Variants in FKTN observed in about 807,000 individuals in gnomAD.
FKTN encodes the protein ribitol-5-phosphate transferase FKTN.
A neutral mutation model predicts 58.6 loss-of-function variants in FKTN; 47 were observed. The ratio of observed to expected loss-of-function variants is 0.80; its 90% confidence interval spans 0.63 to 1.02. The LOEUF (loss-of-function observed/expected upper bound fraction) is 1.02, where lower values mean the gene tolerates loss of function less well. FKTN is among the 50% of genes least tolerant of loss of function. The probability of loss-of-function intolerance (pLI) is 0.00; values close to 1 mark genes in which losing one functional copy is unlikely to be tolerated. For missense variants in FKTN, 516 were observed against 537.3 expected, an observed-to-expected ratio of 0.96 and a Z score of 0.39; for synonymous variants, 178 against 191.9, an observed-to-expected ratio of 0.93 and a Z score of 0.60.
At chr9:105,569,382 C>G (rs1239860478) in intron 1 of FKTN, among the ~76,000 whole-genome samples, 1 of 152,044 alleles carries the variant, frequency 6.6e-6, no homozygotes, top group East Asian at 1.9e-4. Context: ...AATCCTGTAC[C>G]TTTTTTCATC....
rs934152762 is a variant in FKTN at position 105,601,401 on chromosome 9, T to C, written c.369+53T>C. 30 of 1,255,838 alleles carry C rather than the reference T, an allele frequency of 2.4e-5. 1 individual carries two copies. In the South Asian group the frequency reaches 3.6e-4, roughly 15 times the overall value. The allele number at this position is 1,255,838 out of a possible 1,614,324, so 77.8% of individuals were successfully genotyped here. Reference sequence around the variant, plus strand: ...ATGTGTCTCTTTTTACAAAATAGTATAGGTTTAGGCTAGTTTAAAATGTAA... The same window carrying C: ...ATGTGTCTCTTTTTACAAAATAGTACAGGTTTAGGCTAGTTTAAAATGTAA... On this transcript the variant is annotated intron_variant, in intron 5 of 10. Transcript: ENST00000357998.
chr9:105,564,677 G>A (rs1167118244), intron 1 of FKTN, among the ~76,000 whole-genome samples: 1 of 152,204 alleles, frequency 6.6e-6, no homozygotes, highest in African/African-American at 2.4e-5. Flanking sequence ...TCCGATTGGT[G>A]TACCTGAAAG....
At chr9:105,575,162 C>A in intron 3 of FKTN, 25 bp downstream of exon 3, 1 of 1,190,794 alleles carries the variant, frequency 8.4e-7, no homozygotes, top group Non-Finnish European at 1.3e-6. Context: ...TCTTTCTTAT[C>A]ATTCCTCCTT....
At chr9:105,634,511 T>G (rs1833850456) in intron 10 of FKTN, among the ~76,000 whole-genome samples, 1 of 152,176 alleles carries the variant, frequency 6.6e-6, no homozygotes, top group Non-Finnish European at 1.5e-5. Context: ...TAACTAGTAT[T>G]CCTTGGGCTG....
At chr9:105,593,425 G>T (rs984525887) in intron 3 of FKTN, among the ~76,000 whole-genome samples, 1 of 152,174 alleles carries the variant, frequency 6.6e-6, no homozygotes, top group South Asian at 2.1e-4. Flanking sequence ...ATTTGGTGGG[G>T]CACAGATCCA....
chr9:105,560,666 T>C (rs1438014831), intron 1 of FKTN, among the ~76,000 whole-genome samples: 2 of 152,220 alleles, frequency 1.3e-5, no homozygotes, highest in Non-Finnish European at 2.9e-5. Context: ...ATTTAAGTGT[T>C]GCACTAAGTA....
rs1315400108 is a variant in FKTN, at chr9:105,615,312, C to T, written c.815C>T (p.Ala272Val). The T allele has an allele frequency of 6.2e-7, 1 of 1,613,792 alleles. No individual in the cohort carries two copies. Among genetic ancestry groups the T allele is most frequent in the Admixed American group, 1.7e-5 (1 of 60,014 alleles). ...GATGATAACACTGTGGAAGCTGTGG[C>T]CTTTCGGAAGAGTGCAAAGGAATTA... ...YLDDNTVEAV[A>V]FRKSAKELLQ... is the part of the protein sequence containing the mutation. Residue 272 changes from alanine to valine, a missense_variant, in exon 8 of 11, where the codon GCC (alanine) becomes GTC (valine). By Grantham distance (64) the Ala-to-Val change is moderately conservative. Transcript: ENST00000357998.
intron 1 of FKTN, among the ~76,000 whole-genome samples, chr9:105,560,103 A>G (rs1304034814): frequency 6.6e-6 from 1 of 152,230 alleles, no homozygotes; most frequent in Non-Finnish European, 1.5e-5. Context: ...TCCACTGCCT[A>G]ATTGTCTACC....
intron 3 of FKTN, among the ~76,000 whole-genome samples, chr9:105,581,234 A>C (rs1198272120): frequency 5.4e-5 from 8 of 149,194 alleles, no homozygotes; most frequent in Non-Finnish European, 1.2e-4. Context: ...TTGTAGGAGG[A>C]GAGGCGCTCT....
At position 105,615,339 on chromosome 9, in the gene FKTN, T is replaced by G; in HGVS notation, c.842T>G (p.Leu281Arg). 1 of 1,613,816 alleles carries G rather than the reference T, an allele frequency of 6.2e-7. No homozygotes were observed. The highest frequency in any genetic ancestry group is 8.5e-7 in the Non-Finnish European group (1 of 1,179,646). The change falls in exon 8 of 11, where the codon CTG (leucine) becomes CGG (arginine). Residue 281 changes from leucine to arginine, a missense_variant. Transcript: ENST00000357998. ...VAFRKSAKEL[L>R]QLAAKTLNKL... ...TTTCGGAAGAGTGCAAAGGAATTAC[T>G]GCAACTAGCAGCGAAAACATTAAAC... is the stretch of plus-strand genomic sequence containing the variant.
chr9:105,617,454 A>C (rs1358452142), intron 8 of FKTN, among the ~76,000 whole-genome samples: 2 of 152,206 alleles, frequency 1.3e-5, no homozygotes, highest in African/African-American at 4.8e-5. Flanking sequence ...CAAGAAAAAT[A>C]TATTGGTTAA....
Position 105,638,332 on chromosome 9 carries a change from A to G in FKTN, c.*3068A>G. The G allele has an allele frequency of 4.1e-6, 4 of 985,414 alleles. No individual in the cohort carries two copies. Among genetic ancestry groups the G allele is most frequent in the Non-Finnish European group, 4.8e-6 (4 of 829,924 alleles). 61.0% of individuals were successfully genotyped at this position (985,414 alleles called of 1,614,324 possible). On this transcript the variant is annotated 3_prime_UTR_variant, in exon 11 of 11. Transcript: ENST00000357998. Reference sequence around the variant, plus strand: ...AGATTGAGAACCTAAGGCGACAGAGAGGTCAAGGGGAAGTATTTTCTAGTT... The same window carrying G: ...AGATTGAGAACCTAAGGCGACAGAGGGGTCAAGGGGAAGTATTTTCTAGTT...
chr9:105,638,174 C>T lies in FKTN; in HGVS notation c.*2910C>T. 1.0e-6 allele frequency: 1 copy of T among 985,366 alleles called. No homozygotes were observed. The highest frequency in any genetic ancestry group is 1.2e-6 in the Non-Finnish European group (1 of 829,892). The allele number at this position is 985,366 out of a possible 1,614,324, so 61.0% of individuals were successfully genotyped here. On this transcript the variant is annotated 3_prime_UTR_variant, in exon 11 of 11. Transcript: ENST00000357998. Reference sequence around the variant, plus strand: ...GCTAAAACCCAAGACTGCCGTGACTCCTAGTCCAATGTCTGTTTCGCATCA... The same window carrying T: ...GCTAAAACCCAAGACTGCCGTGACTTCTAGTCCAATGTCTGTTTCGCATCA...
Position 105,635,281 on chromosome 9 carries a change from G to A in FKTN, c.*17G>A, listed in dbSNP as rs2133453669. On this transcript the variant is annotated 3_prime_UTR_variant, in exon 11 of 11. Coordinates refer to ENST00000357998, the MANE Select transcript of FKTN (RefSeq NM_001079802.2). ...TTATATTGAGATAGTAGGTTGAAATGGGAGAATTTCTCTTTTGGAAAAAAA... is the reference window on the plus strand; with the variant it reads ...TTATATTGAGATAGTAGGTTGAAATAGGAGAATTTCTCTTTTGGAAAAAAA... The A allele has an allele frequency of 1.9e-6, 3 of 1,613,718 alleles. No individual in the cohort carries two copies. Among genetic ancestry groups the A allele is most frequent in the East Asian group, 4.5e-5 (2 of 44,882 alleles).
At chr9:105,560,865 G>C (rs191845793) in intron 1 of FKTN, among the ~76,000 whole-genome samples, 23 of 152,224 alleles carry the variant, frequency 1.5e-4, no homozygotes, top group African/African-American at 5.5e-4. Flanking sequence ...AAGGTGGATG[G>C]ATCACGAGGT....
chr9:105,565,411 A>C (rs561937549), intron 1 of FKTN, among the ~76,000 whole-genome samples: 1 of 152,168 alleles, frequency 6.6e-6, no homozygotes, highest in East Asian at 1.9e-4. Context: ...CCCATCTCAC[A>C]TGCAAAGACA....
intron 10 of FKTN, among the ~76,000 whole-genome samples, chr9:105,621,533 T>C (rs1226217888): frequency 1.3e-5 from 2 of 152,106 alleles, no homozygotes; most frequent in African/African-American, 4.8e-5. Context: ...TTCTCCATCC[T>C]CTGCCCCTCA....
intron 3 of FKTN, among the ~76,000 whole-genome samples, chr9:105,588,910 G>C (rs2132409227): frequency 6.6e-6 from 1 of 152,272 alleles, no homozygotes; most frequent in Non-Finnish European, 1.5e-5. Flanking sequence ...TACGGCTGGA[G>C]ATTGCAAACT....
intron 3 of FKTN, among the ~76,000 whole-genome samples, chr9:105,581,306 T>A (rs969377139): frequency 2.0e-5 from 3 of 147,954 alleles, no homozygotes; most frequent in African/African-American, 7.6e-5. Context: ...TTTTATCTAC[T>A]TTTGGTCTTT....
Sources: gnomAD v4.1 joint callset for allele counts (sites outside exome capture counted in the v4.1 genomes callset) on GRCh38, gnomAD v4.1.1 for gene constraint, MANE v1.5 for transcripts, NCBI Gene and HGNC (gene_info 2026-07-23, HGNC 2026-07-21) for gene names.